MATN2: variants seen among roughly 807,000 people sequenced by gnomAD.
MATN2 encodes the protein matrilin-2.
In MATN2, 69 loss-of-function variants were observed where a neutral mutation model predicts 103.2. The observed-to-expected ratio is 0.67, with a 90% confidence interval of 0.55 to 0.82. The LOEUF is 0.82. Among genes scored for constraint, MATN2 ranks in the 40% least tolerant of loss-of-function variants. The pLI is 0.00. For synonymous variants in MATN2, 429 were observed against 450.2 expected (o/e 0.95, Z 0.60); for missense variants, 1,023 against 1,211.5 (o/e 0.84, Z 2.31).
intron 13 of MATN2, 139 bp from the exon 14 acceptor site, chr8:98,027,277 A>G: frequency 1.6e-6 from 1 of 638,872 alleles, no homozygotes; most frequent in Non-Finnish European, 2.7e-6. Context: ...CCAACAACTC[A>G]TCTATCCTGT....
At chr8:97,980,122 C>G (rs1811968000) in intron 6 of MATN2, among the ~76,000 whole-genome samples, 1 of 152,130 alleles carries the variant, frequency 6.6e-6, no homozygotes, top group Non-Finnish European at 1.5e-5. Flanking sequence ...AGCTGTCATT[C>G]ACTAGGCAGA....
At position 98,030,615 on chromosome 8, in the gene MATN2, G is replaced by A; in HGVS notation, c.2509+1G>A. 6.2e-7 allele frequency: 1 copy of A among 1,611,666 alleles called. No homozygotes were observed. The highest frequency in any genetic ancestry group is 8.5e-7 in the Non-Finnish European group (1 of 1,179,262). ...AAACTCAAGAAAGGCATCTGTGAAG[G>A]TACTATAGCTTACGCCGAAGACCTT... On this transcript the variant is annotated splice_donor_variant, in intron 15 of 18. Transcript: ENST00000254898. LOFTEE classifies it high-confidence loss of function.
chr8:97,888,319 CTGTT>C (rs1156829424), intron 2 of MATN2, 77 bp downstream of exon 2: 15 of 1,368,372 alleles, frequency 1.1e-5, no homozygotes, highest in East Asian at 5.7e-5. Context: ...GGATTGGTGA[CTGTT>C]TGAGAAGCTT....
chr8:97,949,040 A>G (rs1586079633), intron 4 of MATN2, among the ~76,000 whole-genome samples: 1 of 152,306 alleles, frequency 6.6e-6, no homozygotes, highest in East Asian at 1.9e-4. Flanking sequence ...GAAGACAAAC[A>G]CCACCATAAA....
Position 97,982,812 on chromosome 8 carries a change from G to T in MATN2, c.1081+3804G>T, listed in dbSNP as rs1272147725. On this transcript the variant is annotated intron_variant, in intron 6 of 18. Transcript: ENST00000254898. The surrounding 1 kb of genome is among the most constrained non-coding windows in gnomAD (Gnocchi z 4.3). ...AGTTAGCAAGACTTTTCTTTTTCTG[G>T]TATTGTTATAAAACATACATAATAG... 6.6e-6 allele frequency among the ~76,000 whole-genome samples: 1 copy of T among 152,074 alleles called. No homozygotes were observed. The highest frequency in any genetic ancestry group is 1.5e-5 in the Non-Finnish European group (1 of 68,004).
At chr8:98,032,918 A>C (rs1814094881) in intron 16 of MATN2, 124 bp from the exon 17 acceptor site, 1 of 757,638 alleles carries the variant, frequency 1.3e-6, no homozygotes, top group Admixed American at 3.9e-5. Context: ...TTTTTGCTTC[A>C]GTATGTCCCA....
intron 2 of MATN2, among the ~76,000 whole-genome samples, chr8:97,890,765 G>A (rs537199075): frequency 1.2e-4 from 18 of 152,332 alleles, no homozygotes; most frequent in African/African-American, 4.3e-4. Flanking sequence ...CATTTTGGCT[G>A]AAGTTATGGC....
chr8:98,026,047 C>T (rs886350180), intron 13 of MATN2, among the ~76,000 whole-genome samples: 50 of 151,774 alleles, frequency 3.3e-4, no homozygotes, highest in Admixed American at 1.3e-4. Flanking sequence ...GGCATGGTAG[C>T]GTGTGCCTGT....
At chr8:97,918,358 G>GCCTT in intron 2 of MATN2, among the ~76,000 whole-genome samples, 1 of 152,174 alleles carries the variant, frequency 6.6e-6, no homozygotes, top group African/African-American at 2.4e-5. Context: ...TCAGTACAGT[G>GCCTT]CCTTCTATGT....
rs1255023417 is a variant in MATN2 at position 97,888,093 on chromosome 8, C to G, written c.-8C>G. ...GTCACAGCCTTGCCCCTCTTGCTCGCCTTGAAAATGGAAAAGATGCTCGCA... is the reference window on the plus strand; with the variant it reads ...GTCACAGCCTTGCCCCTCTTGCTCGGCTTGAAAATGGAAAAGATGCTCGCA... On this transcript the variant is annotated 5_prime_UTR_variant, in exon 2 of 19. Transcript: ENST00000254898. 1.2e-6 allele frequency: 2 copies of G among 1,607,358 alleles called. No individual in the cohort carries two copies. The highest frequency in any genetic ancestry group is 1.1e-5 in the South Asian group (1 of 89,808).
chr8:97,942,215 T>A (rs1810593254), intron 4 of MATN2, among the ~76,000 whole-genome samples: 1 of 152,196 alleles, frequency 6.6e-6, no homozygotes, highest in Admixed American at 6.5e-5. Context: ...GAAGAGCCTT[T>A]TCATCCACTG....
intron 2 of MATN2, among the ~76,000 whole-genome samples, chr8:97,930,166 A>G (rs933747543): frequency 3.9e-5 from 6 of 152,266 alleles, no homozygotes; most frequent in South Asian, 4.1e-4. Context: ...GCCCATTCAT[A>G]TCCCTATTCT....
chr8:97,930,052 C>T (rs1810124532), intron 2 of MATN2, among the ~76,000 whole-genome samples: 1 of 152,182 alleles, frequency 6.6e-6, no homozygotes. Flanking sequence ...ACATTCATTC[C>T]GTCTTGGGCT....
chr8:97,884,329 G>A (rs1231358156), intron 1 of MATN2, among the ~76,000 whole-genome samples: 2 of 151,486 alleles, frequency 1.3e-5, no homozygotes, highest in Admixed American at 6.6e-5. Context: ...TAGTAGAGAC[G>A]GGATTTCTCC....
chr8:97,943,051 G>T (rs1474948534), intron 4 of MATN2, among the ~76,000 whole-genome samples: 1 of 152,098 alleles, frequency 6.6e-6, no homozygotes, highest in Admixed American at 6.5e-5. Flanking sequence ...GTTGAGTGCA[G>T]CCTGAATCAT....
intron 2 of MATN2, among the ~76,000 whole-genome samples, chr8:97,917,483 G>A (rs115077677): frequency 3.3e-5 from 5 of 152,170 alleles, no homozygotes; most frequent in Admixed American, 1.3e-4. Flanking sequence ...ATCTTGAATG[G>A]CATCAGCTGC....
At chr8:97,950,446 G>C (rs1192430585) in intron 4 of MATN2, among the ~76,000 whole-genome samples, 1 of 113,956 alleles carries the variant, frequency 8.8e-6, no homozygotes, top group African/African-American at 3.5e-5. Flanking sequence ...TAGAGGTAGA[G>C]AGTGGGGCAG....
intron 5 of MATN2, 104 bp from the exon 6 acceptor site, chr8:97,978,782 T>C (rs1249986931): frequency 9.2e-7 from 1 of 1,084,472 alleles, no homozygotes; most frequent in African/African-American, 1.6e-5. Flanking sequence ...TGGGGGGCAA[T>C]AATATTAATC....
Position 98,033,028 on chromosome 8 carries a change from C to A in MATN2, c.2582-14C>A. 2 of 1,596,246 alleles carry A rather than the reference C, an allele frequency of 1.3e-6. No individual in the cohort carries two copies. Among genetic ancestry groups the A allele is most frequent in the Non-Finnish European group, 1.7e-6 (2 of 1,174,486 alleles). ...GTTAAGCAGGTTTGATTGCAGTTTTCTTTCTCTTTACAGAATCTGAGCCAG... is the reference window on the plus strand; with the variant it reads ...GTTAAGCAGGTTTGATTGCAGTTTTATTTCTCTTTACAGAATCTGAGCCAG... On this transcript the variant is annotated splice_polypyrimidine_tract_variant and intron_variant, in intron 16 of 18. Transcript: ENST00000254898.
Sources: gnomAD v4.1 joint callset for allele counts (sites outside exome capture counted in the v4.1 genomes callset) on GRCh38, gnomAD v4.1.1 for gene constraint, Gnocchi (gnomAD v3.1) non-coding constraint, MANE v1.5 for transcripts, NCBI Gene and HGNC (gene_info 2026-07-23, HGNC 2026-07-21) for gene names.